The following PIWIL1 variants were observed in gnomAD, a reference collection of about 807,000 sequenced individuals.
PIWIL1 encodes piwi like RNA-mediated gene silencing 1.
Under a neutral mutation model 114.4 loss-of-function variants are expected in PIWIL1, and 73 were observed. The ratio of observed to expected loss-of-function variants is 0.64; its 90% confidence interval spans 0.53 to 0.78. The LOEUF is 0.78. Ranked by LOEUF, PIWIL1 falls within the 30% of genes least tolerant of loss-of-function variation. The probability of loss-of-function intolerance (pLI) is 0.00; values close to 1 mark genes in which losing one functional copy is unlikely to be tolerated. For missense variants in PIWIL1, 723 were observed against 1,063.1 expected (o/e 0.68, Z 4.45); for synonymous variants, 375 against 369.0 (o/e 1.02, Z -0.19).
chr12:130,414,243 G>C, the PIWIL1 span: 1 of 1,613,898 alleles, frequency 6.2e-7, no homozygotes, highest in Non-Finnish European at 8.5e-7. Context: ...GAGCTCTTCG[G>C]CACCAGGGTC....
At chr12:130,399,108 C>CACTT in the PIWIL1 span, 1 of 1,376,628 alleles carries the variant, frequency 7.3e-7, no homozygotes, top group Non-Finnish European at 9.5e-7. Context: ...TTCAGTTGCT[C>CACTT]ACTTACGTGA....
chr12:130,342,181 TGTGTG>T (rs988959663), intron 1 of PIWIL1: 51 of 186,292 alleles, frequency 2.7e-4, no homozygotes, highest in African/African-American at 1.1e-3. Flanking sequence ...TGTGTGTGTG[TGTGTG>T]TGTGTCTGTG....
chr12:130,347,221 A>G (rs578181097), intron 6 of PIWIL1, among the ~76,000 whole-genome samples, 159 bp downstream of exon 6: 1 of 152,154 alleles, frequency 6.6e-6, no homozygotes, highest in Non-Finnish European at 1.5e-5. Flanking sequence ...CTGATAGAAA[A>G]TTCATCTATT....
downstream of PIWIL1, among the ~76,000 whole-genome samples, chr12:130,373,139 G>A (rs558350688): frequency 3.3e-5 from 5 of 152,148 alleles, no homozygotes; most frequent in Admixed American, 6.5e-5. Flanking sequence ...TAACCTGTTC[G>A]ATTTCTAAGC....
the PIWIL1 span, among the ~76,000 whole-genome samples, chr12:130,413,776 T>C: frequency 6.6e-6 from 1 of 151,562 alleles, no homozygotes; most frequent in African/African-American, 2.4e-5. Context: ...TCCCTTTCCC[T>C]CTCCCTCCTT....
At chr12:130,371,368 A>C (rs909992436) in intron 20 of PIWIL1, 45 bp downstream of exon 20, 1 of 1,612,910 alleles carries the variant, frequency 6.2e-7, no homozygotes, top group African/African-American at 1.3e-5. Context: ...AAGGACATTC[A>C]CTTTTCAAAA....
chr12:130,342,358 C>T (rs2136124343), intron 1 of PIWIL1: 3 of 533,378 alleles, frequency 5.6e-6, no homozygotes, highest in Non-Finnish European at 1.0e-5. Flanking sequence ...TAGGTTTTCC[C>T]CTTTGGCCCT....
the PIWIL1 span, chr12:130,422,611 T>TG: frequency 7.5e-7 from 1 of 1,340,158 alleles, no homozygotes; most frequent in Non-Finnish European, 1.0e-6. The surrounding 1 kb of genome is among the most constrained non-coding windows in gnomAD (Gnocchi z 5.2). Flanking sequence ...CATTGGGAAC[T>TG]GAAGAATTCA....
At chr12:130,358,995 T>A (rs2073440851) in intron 14 of PIWIL1, among the ~76,000 whole-genome samples, 1 of 152,162 alleles carries the variant, frequency 6.6e-6, no homozygotes, top group African/African-American at 2.4e-5. Context: ...CTGACACACT[T>A]TTCTCAAACT....
intron 12 of PIWIL1, among the ~76,000 whole-genome samples, 159 bp downstream of exon 12, chr12:130,355,826 TAA>T (rs2073349012): frequency 1.3e-5 from 2 of 152,168 alleles, no homozygotes; most frequent in Admixed American, 1.3e-4. Flanking sequence ...CAGATCACAA[TAA>T]AGCAAGTGGG....
chr12:130,363,021 A>T lies in PIWIL1; in HGVS notation c.2072A>T (p.Glu691Val). The T allele has an allele frequency of 1.2e-6, 2 of 1,614,210 alleles. No homozygotes were observed. Among genetic ancestry groups the T allele is most frequent in the Non-Finnish European group, 1.7e-6 (2 of 1,180,028 alleles). Residue 691 changes from glutamate to valine, a missense_variant, in exon 18 of 21, where the codon GAG (glutamate) becomes GTG (valine). Physicochemically the swap from Glu to Val is moderately radical, Grantham distance 121. This residue lies in a region of PIWIL1 where 31 missense variants were observed against 30.2 expected (regional missense o/e 1.03). Coordinates refer to ENST00000245255, the MANE Select transcript of PIWIL1 (RefSeq NM_004764.5). ...CTGAGGGCTTGGAATAGCTGCAATG[A>T]GTACATGCCCAGCCGGATCATCGTG... is the stretch of plus-strand genomic sequence containing the variant. ...AALRAWNSCN[E>V]YMPSRIIVYR...
At chr12:130,365,138 C>CAGCG (rs1342027103) in intron 18 of PIWIL1, among the ~76,000 whole-genome samples, 1 of 152,224 alleles carries the variant, frequency 6.6e-6, no homozygotes, top group African/African-American at 2.4e-5. Flanking sequence ...CCAGCTCCAT[C>CAGCG]AGCGAGTGGG....
At chr12:130,342,969 T>C in intron 2 of PIWIL1, 21 bp from the exon 3 acceptor site, 1 of 1,582,080 alleles carries the variant, frequency 6.3e-7, no homozygotes, top group Non-Finnish European at 8.7e-7. Context: ...AAGAATGTTC[T>C]TTATTTGCAT....
the PIWIL1 span, chr12:130,424,528 G>A: frequency 1.5e-4 from 179 of 1,231,962 alleles, no homozygotes; most frequent in Admixed American, 2.5e-4. The surrounding 1 kb of genome is among the most constrained non-coding windows in gnomAD (Gnocchi z 9.8). Context: ...TCCGGGCTCC[G>A]GGTGGCCGAG....
At chr12:130,343,146 A>T (rs2072972204) in intron 3 of PIWIL1, 45 bp downstream of exon 3, 1 of 1,317,296 alleles carries the variant, frequency 7.6e-7, no homozygotes, top group Non-Finnish European at 1.1e-6. Flanking sequence ...TGTTCAACAT[A>T]TACAGCAAAT....
At chr12:130,365,589 T>G (rs2073633159) in intron 18 of PIWIL1, among the ~76,000 whole-genome samples, 1 of 152,232 alleles carries the variant, frequency 6.6e-6, no homozygotes, top group African/African-American at 2.4e-5. Context: ...TATAGCAACG[T>G]ATCACAGGGC....
intron 18 of PIWIL1, among the ~76,000 whole-genome samples, chr12:130,363,570 G>A (rs539603769): frequency 3.5e-4 from 52 of 149,964 alleles, no homozygotes; most frequent in African/African-American, 1.2e-3. Context: ...GTGATTTGGC[G>A]AGCATCTAGT....
chr12:130,414,620 C>T, the PIWIL1 span: 11 of 234,020 alleles, frequency 4.7e-5, no homozygotes, highest in Non-Finnish European at 9.2e-5. Flanking sequence ...CAGGATGGCC[C>T]ATGCTGGGGA....
At chr12:130,413,269 C>G in the PIWIL1 span, among the ~76,000 whole-genome samples, 1 of 152,112 alleles carries the variant, frequency 6.6e-6, no homozygotes, top group Non-Finnish European at 1.5e-5. Context: ...GTTCAAGGCC[C>G]TCTTTCTTTC....
Sources: gnomAD v4.1 joint callset for allele counts (sites outside exome capture counted in the v4.1 genomes callset) on GRCh38, gnomAD v4.1.1 for gene constraint, gnomAD v4.1.1 regional missense constraint, Gnocchi (gnomAD v3.1) non-coding constraint, MANE v1.5 for transcripts, NCBI Gene and HGNC (gene_info 2026-07-23, HGNC 2026-07-21) for gene names.